BACH1: variants seen among roughly 807,000 people sequenced by gnomAD.
The protein encoded by BACH1 is BTB domain and CNC homolog 1.
A neutral mutation model predicts 52.9 loss-of-function variants in BACH1; 35 were observed. That is an observed-to-expected ratio of 0.66 (90% CI 0.51 to 0.88). The LOEUF is 0.88. BACH1 is among the 40% of genes least tolerant of loss of function. The probability of loss-of-function intolerance (pLI) is 0.00; values close to 1 mark genes in which losing one functional copy is unlikely to be tolerated. For missense variants in BACH1, 808 were observed against 872.6 expected (o/e 0.93, Z 0.93); for synonymous variants, 321 against 319.6 (o/e 1.00, Z -0.05).
downstream of BACH1, among the ~76,000 whole-genome samples, chr21:29,349,850 C>T (rs1171815296): frequency 4.5e-5 from 3 of 66,474 alleles, no homozygotes; most frequent in Non-Finnish European, 7.5e-5. Flanking sequence ...TTGTGAGTGT[C>T]TCATTAATGC....
intron 2 of BACH1, among the ~76,000 whole-genome samples, chr21:29,358,097 G>A (rs2089246018): frequency 6.6e-6 from 1 of 152,226 alleles, no homozygotes; most frequent in Non-Finnish European, 1.5e-5. Context: ...TGGACACAGG[G>A]GAGAAGGAGG....
At chr21:29,336,638 G>C (rs1303330410) in intron 4 of BACH1, among the ~76,000 whole-genome samples, 2 of 151,812 alleles carry the variant, frequency 1.3e-5, no homozygotes, top group East Asian at 3.8e-4. Context: ...TGATTAAAAA[G>C]GATTGTTCTT....
Position 29,351,526 on chromosome 21 carries a change from C to G in BACH1, c.472+21833C>G, listed in dbSNP as rs1317841916. On this transcript the variant is annotated intron_variant, in intron 2 of 4. Transcript: ENST00000422809. ...AGAATAAGATTTTCTGAAGAAGGAA[C>G]TCGTTTTTTAAGCACTGTGTTTTCA... The G allele has an allele frequency of 2.2e-5, 10 of 459,964 alleles. No homozygotes were observed. In the East Asian group the frequency reaches 3.1e-4, roughly 14 times the overall value. 28.5% of individuals were successfully genotyped at this position (459,964 alleles called of 1,614,324 possible).
intron 2 of BACH1, among the ~76,000 whole-genome samples, chr21:29,323,639 C>G (rs1166265938): frequency 1.3e-5 from 2 of 152,172 alleles, no homozygotes; most frequent in African/African-American, 2.4e-5. Context: ...TTAGTCTTCT[C>G]TAGCAACGCC....
chr21:29,348,357 G>A (rs1267726522), downstream of BACH1, among the ~76,000 whole-genome samples: 18 of 151,916 alleles, frequency 1.2e-4, no homozygotes, highest in Non-Finnish European at 2.4e-4. Context: ...CCCTTGTTTC[G>A]AAACAAGCTA....
At chr21:29,340,296 G>C (rs766378414) in intron 4 of BACH1, among the ~76,000 whole-genome samples, 12 of 152,230 alleles carry the variant, frequency 7.9e-5, no homozygotes, top group Non-Finnish European at 1.8e-4. Context: ...AGGAGTTAAA[G>C]TGCAGGGGAA....
intron 3 of BACH1, among the ~76,000 whole-genome samples, chr21:29,328,919 A>G (rs1253182009): frequency 1.3e-5 from 2 of 152,312 alleles, no homozygotes; most frequent in Middle Eastern, 3.4e-3. Context: ...TCCTTTGTGT[A>G]TATACACCAC....
At position 29,315,763 on chromosome 21, in the gene BACH1, A is replaced by G. The variant is rs556053643; in HGVS notation, c.-60-5458A>G. On this transcript the variant is annotated intron_variant, in intron 1 of 4. Transcript: ENST00000286800. ...TTACTTCAAATAAATACCTTTCCAGATGTCCACATTCCTGTGTAAATTGAT... is the reference window on the plus strand; with the variant it reads ...TTACTTCAAATAAATACCTTTCCAGGTGTCCACATTCCTGTGTAAATTGAT... 4.6e-5 allele frequency among the ~76,000 whole-genome samples: 7 copies of G among 152,332 alleles called. No individual in the cohort carries two copies. The East Asian group carries it at 7.7e-4, about 17-fold the overall frequency.
At position 29,342,588 on chromosome 21, in the gene BACH1, G is replaced by A; in HGVS notation, c.1966G>A (p.Asp656Asn). Reference sequence around the variant, plus strand: ...ACTTTCATTTTTAATTTCTGAAAAAGATAAAAGTACTCCTGATGGTGAACT... The same window carrying A: ...ACTTTCATTTTTAATTTCTGAAAAAAATAAAAGTACTCCTGATGGTGAACT... ...CPLSFLISEKDKSTPDGELAL... is the reference protein window; with the variant it reads ...CPLSFLISEKNKSTPDGELAL... The change falls in exon 5 of 5, where the codon GAT (aspartate) becomes AAT (asparagine). Residue 656 changes from aspartate (D) to asparagine (N), a missense_variant. Physicochemically the swap from Asp to Asn is conservative, Grantham distance 23 (BLOSUM62 1). Transcript: ENST00000286800. The A allele has an allele frequency of 6.2e-7, 1 of 1,614,206 alleles. No homozygotes were observed. Among genetic ancestry groups the A allele is most frequent in the Non-Finnish European group, 8.5e-7 (1 of 1,180,040 alleles).
intron 4 of BACH1, among the ~76,000 whole-genome samples, chr21:29,331,148 A>T (rs1258264813): frequency 6.6e-6 from 1 of 152,158 alleles, no homozygotes; most frequent in African/African-American, 2.4e-5. Flanking sequence ...CTTTAGAAGG[A>T]GTATAGCATT....
downstream of BACH1, among the ~76,000 whole-genome samples, chr21:29,346,402 C>T (rs1007164614): frequency 9.8e-5 from 15 of 152,300 alleles, no homozygotes; most frequent in African/African-American, 3.6e-4. Flanking sequence ...TTATCTCTAT[C>T]AGTCATTAAG....
At chr21:29,322,291 A>G (rs562283619) in intron 2 of BACH1, among the ~76,000 whole-genome samples, 6 of 152,350 alleles carry the variant, frequency 3.9e-5, no homozygotes, top group East Asian at 1.9e-4. Flanking sequence ...GACATCTCCT[A>G]TGAAAAGGAG....
intron 2 of BACH1, among the ~76,000 whole-genome samples, chr21:29,358,802 G>GAA (rs1426999058): frequency 7.7e-6 from 1 of 129,534 alleles, no homozygotes; most frequent in African/African-American, 2.6e-5. Flanking sequence ...AAGAAAGAAA[G>GAA]AAAGAAAGAA....
intron 1 of BACH1, among the ~76,000 whole-genome samples, chr21:29,304,189 G>C (rs1177060508): frequency 1.3e-5 from 2 of 149,570 alleles, no homozygotes; most frequent in African/African-American, 2.5e-5. Context: ...GCAGTGGCGC[G>C]ATCTCGGGTC....
At chr21:29,351,056 T>C (rs960302293), downstream of BACH1, among the ~76,000 whole-genome samples, 1 of 152,208 alleles carries the variant, frequency 6.6e-6, no homozygotes, top group Non-Finnish European at 1.5e-5. Context: ...ATGGAAAATA[T>C]TTAAAAATTG....
At chr21:29,322,007 A>G (rs1392472038) in intron 2 of BACH1, among the ~76,000 whole-genome samples, 5 of 152,156 alleles carry the variant, frequency 3.3e-5, no homozygotes, top group African/African-American at 1.2e-4. Flanking sequence ...ATGGTGGAAG[A>G]CGAAGGAAAA....
chr21:29,338,494 C>G (rs143682361), intron 4 of BACH1, among the ~76,000 whole-genome samples: 1 of 152,102 alleles, frequency 6.6e-6, no homozygotes, highest in African/African-American at 2.4e-5. Flanking sequence ...CTCATATCAG[C>G]CTTCTGAGTA....
At chr21:29,326,007 G>A (rs1319797523) in intron 2 of BACH1, 52 bp from the exon 3 acceptor site, 4 of 1,520,376 alleles carry the variant, frequency 2.6e-6, no homozygotes, top group Non-Finnish European at 3.5e-6. Flanking sequence ...TTGTTTTTAT[G>A]TACTAGACAG....
chr21:29,361,570 C>G (rs759459835), intron 2 of BACH1: 6 of 152,118 alleles, frequency 3.9e-5, no homozygotes, highest in Admixed American at 1.3e-4. Context: ...GGCAGCACAC[C>G]ACTACCTACG....
Sources: gnomAD v4.1 joint callset for allele counts (sites outside exome capture counted in the v4.1 genomes callset) on GRCh38, gnomAD v4.1.1 for gene constraint, MANE v1.5 for transcripts, NCBI Gene and HGNC (gene_info 2026-07-23, HGNC 2026-07-21) for gene names.